The following CACNA1B variants were observed in gnomAD, a reference collection of about 807,000 sequenced individuals.
The protein encoded by CACNA1B is voltage-dependent N-type calcium channel subunit alpha-1B.
In CACNA1B, 70 loss-of-function variants were observed where a neutral mutation model predicts 247.2. That is an observed-to-expected ratio of 0.28 (90% CI 0.23 to 0.35). The LOEUF (loss-of-function observed/expected upper bound fraction) is 0.35, where lower values mean the gene tolerates loss of function less well. CACNA1B is among the 10% of genes least tolerant of loss of function. CACNA1B has a pLI of 1.00. For synonymous variants in CACNA1B, 1,231 were observed against 1,294.4 expected (o/e 0.95, Z 1.05); for missense variants, 2,367 against 3,197.4 (o/e 0.74, Z 6.26).
At chr9:138,083,451 G>A (rs1295783862) in intron 36 of CACNA1B, among the ~76,000 whole-genome samples, 1 of 150,830 alleles carries the variant, frequency 6.6e-6, no homozygotes, top group Admixed American at 6.6e-5. Flanking sequence ...GCCACTCAGA[G>A]CGGTCACACC....
intron 20 of CACNA1B, among the ~76,000 whole-genome samples, chr9:138,032,346 C>T (rs2133452038): frequency 6.6e-6 from 1 of 152,234 alleles, no homozygotes; most frequent in East Asian, 1.9e-4. Context: ...AATAGCTCTT[C>T]TATGTACTTT....
intron 10 of CACNA1B, among the ~76,000 whole-genome samples, chr9:137,961,708 G>A (rs953783527): frequency 3.9e-5 from 6 of 152,166 alleles, no homozygotes; most frequent in African/African-American, 1.4e-4. Flanking sequence ...TGCATCCCAG[G>A]GATGAAGCCT....
chr9:138,023,372 G>T lies in CACNA1B; in HGVS notation c.2629G>T (p.Gly877Trp). 7.2e-7 allele frequency: 1 copy of T among 1,397,880 alleles called. No individual in the cohort carries two copies. Among genetic ancestry groups the T allele is most frequent in the African/African-American group, 1.5e-5 (1 of 66,302 alleles). 86.6% of individuals were successfully genotyped at this position (1,397,880 alleles called of 1,614,324 possible). ...AGCAGAGGCCCCGAAGGCGGAGAGC[G>T]GGGAGCCCGGTGCCCGGGAGGAGCG... ...DRAEAPKAES[G>W]EPGAREERPR... Residue 877 changes from glycine (G) to tryptophan (W), a missense_variant, in exon 19 of 47, where the codon GGG becomes TGG. This residue lies in a region of CACNA1B where 631 missense variants were observed against 631.1 expected (regional missense o/e 1.00). Transcript: ENST00000371372.
intron 18 of CACNA1B, 25 bp from the exon 19 acceptor site, chr9:138,022,986 G>T: frequency 6.8e-7 from 1 of 1,466,110 alleles, no homozygotes; most frequent in Non-Finnish European, 9.0e-7. Context: ...AGACGGGGCC[G>T]CGCTCACCGC....
intron 36 of CACNA1B, 32 bp from the exon 37 acceptor site, chr9:138,096,452 C>T: frequency 1.2e-6 from 2 of 1,607,028 alleles, no homozygotes; most frequent in East Asian, 2.2e-5. Flanking sequence ...TGAGGTCTCT[C>T]TCCGTCACCT....
intron 42 of CACNA1B, among the ~76,000 whole-genome samples, chr9:138,117,295 T>C (rs944567913): frequency 4.2e-5 from 6 of 142,948 alleles, no homozygotes; most frequent in African/African-American, 5.5e-5. Flanking sequence ...GGGGGGGGGG[T>C]CAGAGAAGTA....
chr9:137,906,979 C>T (rs968526211), intron 3 of CACNA1B, among the ~76,000 whole-genome samples: 18 of 152,320 alleles, frequency 1.2e-4, no homozygotes, highest in African/African-American at 3.8e-4. Flanking sequence ...TGAATACAGT[C>T]CCCCAGTCAG....
intron 7 of CACNA1B, among the ~76,000 whole-genome samples, chr9:137,953,675 C>T (rs1957905626): frequency 6.6e-6 from 1 of 152,042 alleles, no homozygotes; most frequent in Non-Finnish European, 1.5e-5. Context: ...CACTGGGGGA[C>T]TAGGAATGAG....
intron 42 of CACNA1B, among the ~76,000 whole-genome samples, chr9:138,116,913 A>T (rs1961887817): frequency 1.3e-5 from 2 of 152,192 alleles, no homozygotes; most frequent in African/African-American, 4.8e-5. Flanking sequence ...AACTCTCAGA[A>T]GACAAAGGAT....
chr9:138,051,975 C>T lies in CACNA1B; in HGVS notation c.3711-117C>T, dbSNP rs1959298401. The T allele has an allele frequency of 3.2e-6, 2 of 634,144 alleles. No homozygotes were observed. The highest frequency in any genetic ancestry group is 3.5e-5 in the South Asian group (2 of 56,650). 39.3% of individuals were successfully genotyped at this position (634,144 alleles called of 1,614,324 possible). A position where few individuals can be genotyped will look rare whatever the true frequency, so the allele number is the denominator to read the frequency against. ...GGCCTCTCTGCTCCTGGGTCCTCCACCCTGGAGTCTGAGACAAAATGCACA... is the reference window on the plus strand; with the variant it reads ...GGCCTCTCTGCTCCTGGGTCCTCCATCCTGGAGTCTGAGACAAAATGCACA... On this transcript the variant is annotated intron_variant, in intron 24 of 46. Transcript: ENST00000371372. The surrounding 1 kb of genome is among the most constrained non-coding windows in gnomAD (Gnocchi z 4.3).
chr9:137,889,030 C>T (rs1193004119), intron 3 of CACNA1B, among the ~76,000 whole-genome samples: 2 of 150,356 alleles, frequency 1.3e-5, no homozygotes, highest in African/African-American at 2.4e-5. Context: ...ACACAGGTGA[C>T]AGCCCAGAGA....
intron 26 of CACNA1B, among the ~76,000 whole-genome samples, chr9:138,056,532 C>T (rs1380731002): frequency 6.6e-6 from 1 of 152,170 alleles, no homozygotes; most frequent in African/African-American, 2.4e-5. Context: ...CTGTTGTATA[C>T]ATTTATGTCC....
rs199630162 is a variant in CACNA1B, at chr9:138,118,682, C to G, written c.5944C>G (p.Arg1982Gly). Reference protein sequence around the residue: ...AVDVQMQSITRRGPDGEPQPG... With the variant: ...AVDVQMQSITGRGPDGEPQPG... ...GGACGTTCAGATGCAGAGCATAACC[C>G]GGAGGGGCCCTGATGGGGAGCCCCA... The change falls in exon 44 of 47, where the codon CGG becomes GGG. Residue 1982 changes from arginine to glycine, a missense_variant. Physicochemically the swap from Arg to Gly is moderately radical, Grantham distance 125 (BLOSUM62 -2). Transcript: ENST00000371372. 1 of 1,563,600 alleles carries G rather than the reference C, an allele frequency of 6.4e-7. No individual in the cohort carries two copies. Among genetic ancestry groups the G allele is most frequent in the South Asian group, 1.2e-5 (1 of 85,044 alleles).
rs560340751 is a variant in CACNA1B at position 138,102,490 on chromosome 9, C to T, written c.5223-221C>T. Among the ~76,000 whole-genome samples the T allele has an allele frequency of 6.6e-5, 10 of 152,208 alleles. No homozygotes were observed. In the East Asian group the frequency reaches 7.8e-4, roughly 12 times the overall value. On this transcript the variant is annotated intron_variant, in intron 37 of 46. Transcript: ENST00000371372. The surrounding 1 kb of genome is among the most constrained non-coding windows in gnomAD (Gnocchi z 5.4). ...GGGGCTGGAGTGAGGAGGTGAGGCT[C>T]GGGGGTGGGGGGCCAGGAGGGGGTC...
chr9:138,035,128 A>G (rs756760857), intron 20 of CACNA1B, among the ~76,000 whole-genome samples: 2 of 152,248 alleles, frequency 1.3e-5, no homozygotes, highest in Non-Finnish European at 2.9e-5. Context: ...TCGTCTCATC[A>G]TGTAGGCATT....
Position 137,971,720 on chromosome 9 carries a change from C to A in CACNA1B, c.1543+128C>A. 2 of 777,012 alleles carry A rather than the reference C, an allele frequency of 2.6e-6. No individual in the cohort carries two copies. The highest frequency in any genetic ancestry group is 1.7e-5 in the African/African-American group (1 of 58,572). 48.1% of individuals were successfully genotyped at this position (777,012 alleles called of 1,614,324 possible). Reference sequence around the variant, plus strand: ...CACCCCCATGTTGCTCAAAGTATCCCACAGCCCTAGTCAGCCTCCAGGAGC... The same window carrying A: ...CACCCCCATGTTGCTCAAAGTATCCAACAGCCCTAGTCAGCCTCCAGGAGC... On this transcript the variant is annotated intron_variant, in intron 11 of 46. Coordinates refer to ENST00000371372, the MANE Select transcript of CACNA1B (RefSeq NM_000718.4). The surrounding 1 kb of genome is among the most constrained non-coding windows in gnomAD (Gnocchi z 4.4).
At chr9:138,035,170 G>A (rs1959027785) in intron 20 of CACNA1B, among the ~76,000 whole-genome samples, 2 of 152,190 alleles carry the variant, frequency 1.3e-5, no homozygotes, top group African/African-American at 4.8e-5. Flanking sequence ...AGAAAAAGAT[G>A]ACCGCTGGCC....
chr9:138,069,085 G>C (rs1018561734), intron 31 of CACNA1B, among the ~76,000 whole-genome samples: 1 of 152,226 alleles, frequency 6.6e-6, no homozygotes, highest in African/African-American at 2.4e-5. Context: ...GGCCACTCTT[G>C]CTCCTGGAGC....
Position 137,955,739 on chromosome 9 carries a change from C to T in CACNA1B, c.1112C>T (p.Ala371Val). 1 of 1,613,236 alleles carries T rather than the reference C, an allele frequency of 6.2e-7. No individual in the cohort carries two copies. The highest frequency in any genetic ancestry group is 8.5e-7 in the Non-Finnish European group (1 of 1,179,618). The stretch of plus-strand genomic sequence containing the variant: ...CGAGAGAGGGTGGAGAACCGCCGCG[C>T]CTTCCTGAAGCTGCGCCGGCAGCAG... The part of the protein sequence containing the change: ...KERERVENRR[A>V]FLKLRRQQQI... The change falls in exon 8 of 47, where the codon GCC becomes GTC. Residue 371 changes from alanine (A) to valine (V), a missense_variant. By Grantham distance (64) the Ala-to-Val change is moderately conservative. Around this residue, in one of 12 missense-constraint regions of CACNA1B, gnomAD observed 219 missense variants for 297.6 expected, o/e 0.74. Coordinates refer to ENST00000371372, the MANE Select transcript of CACNA1B (RefSeq NM_000718.4). This position sits in a 1 kb window ranked among gnomAD's most constrained non-coding sequence, Gnocchi z 6.9.
Sources: allele counts gnomAD v4.1 joint callset (sites outside exome capture counted in the v4.1 genomes callset), GRCh38; gene constraint gnomAD v4.1.1; regional missense constraint gnomAD v4.1.1; non-coding constraint Gnocchi (gnomAD v3.1); transcripts MANE v1.5; gene names NCBI Gene and HGNC (gene_info 2026-07-23, HGNC 2026-07-21).